Variants in SEL1L2 observed in about 807,000 individuals in gnomAD.
SEL1L2 encodes the protein SEL1L2 adaptor subunit of SYVN1 ubiquitin ligase, also known as protein sel-1 homolog 2.
A neutral mutation model predicts 98.8 loss-of-function variants in SEL1L2; 89 were observed. That is an observed-to-expected ratio of 0.90 (90% CI 0.76 to 1.07). The LOEUF is 1.07. Among genes scored for constraint, SEL1L2 ranks in the 50% least tolerant of loss-of-function variants. The pLI, the probability that SEL1L2 is intolerant of heterozygous loss-of-function variation, is 0.00. For synonymous variants in SEL1L2, 262 were observed against 278.5 expected (o/e 0.94, Z 0.59); for missense variants, 788 against 812.0 (o/e 0.97, Z 0.36).
intron 10 of SEL1L2, among the ~76,000 whole-genome samples, chr20:13,880,813 G>A (rs1390100542): frequency 2.0e-5 from 3 of 151,930 alleles, no homozygotes; most frequent in African/African-American, 2.4e-5. Context: ...ACAATTGGTG[G>A]TGTCTTAGTA....
intron 2 of SEL1L2, among the ~76,000 whole-genome samples, chr20:13,938,083 C>CTT (rs780844505): frequency 3.7e-4 from 51 of 137,232 alleles, no homozygotes; most frequent in Middle Eastern, 3.8e-3. Context: ...TTTTTCTTTT[C>CTT]TTTTTTTTTT....
At chr20:13,869,853 A>G (rs1444560212) in intron 13 of SEL1L2, among the ~76,000 whole-genome samples, 1 of 152,198 alleles carries the variant, frequency 6.6e-6, no homozygotes, top group Non-Finnish European at 1.5e-5. Flanking sequence ...TCAAAAGACT[A>G]TGAAGATAAA....
intron 1 of SEL1L2, among the ~76,000 whole-genome samples, chr20:13,982,060 A>G (rs2051854019): frequency 6.6e-6 from 1 of 151,966 alleles, no homozygotes; most frequent in African/African-American, 2.4e-5. Context: ...TGCTTTCTGG[A>G]CTCTGGTTAC....
chr20:13,904,269 C>G (rs1005798102), intron 5 of SEL1L2, among the ~76,000 whole-genome samples: 4 of 152,202 alleles, frequency 2.6e-5, no homozygotes. Flanking sequence ...TGGCTCACGC[C>G]TGTGATCCCA....
At chr20:13,898,802 G>A (rs1220307644) in intron 5 of SEL1L2, among the ~76,000 whole-genome samples, 1 of 152,174 alleles carries the variant, frequency 6.6e-6, no homozygotes, top group African/African-American at 2.4e-5. Flanking sequence ...GAGTACAATG[G>A]CCCGATCTCG....
intron 4 of SEL1L2, among the ~76,000 whole-genome samples, chr20:13,917,947 G>A (rs575133381): frequency 1.2e-4 from 18 of 151,650 alleles, no homozygotes; most frequent in East Asian, 9.7e-4. Flanking sequence ...TTACAGGTGC[G>A]CGCCATCATG....
chr20:13,905,756 A>G (rs75895063), intron 5 of SEL1L2, among the ~76,000 whole-genome samples: 8,916 of 152,250 alleles, frequency 0.059, 304 homozygotes, highest in African/African-American at 0.092. Flanking sequence ...GAAAAGAAAA[A>G]TGTTGTGAAT....
intron 18 of SEL1L2, among the ~76,000 whole-genome samples, chr20:13,857,916 T>A (rs1035227949): frequency 6.6e-6 from 1 of 152,202 alleles, no homozygotes. Flanking sequence ...AGGTGGATAA[T>A]GGGTGAGGGG....
intron 1 of SEL1L2, among the ~76,000 whole-genome samples, chr20:13,959,291 C>A (rs1056546497): frequency 8.5e-5 from 13 of 152,206 alleles, no homozygotes; most frequent in Admixed American, 5.9e-4. Flanking sequence ...GTGGTTGGAC[C>A]AGGAAGAAGC....
intron 1 of SEL1L2, among the ~76,000 whole-genome samples, chr20:13,979,842 A>C (rs1212542395): frequency 6.6e-6 from 1 of 152,200 alleles, no homozygotes. Context: ...TAAGCAACAA[A>C]ATGAAAACAG....
At chr20:13,980,502 C>G (rs889450045) in intron 1 of SEL1L2, among the ~76,000 whole-genome samples, 1 of 152,150 alleles carries the variant, frequency 6.6e-6, no homozygotes, top group Admixed American at 6.5e-5. Context: ...GACACCACAC[C>G]TGGCCAGAGA....
rs997405545 is a variant in SEL1L2, at chr20:13,958,446, T to C, written c.59-2315A>G. ...TTAATGGGCATTTCTCACCTCATGT[T>C]TTTTGCTTATTACTTGCTGTTTATT... On this transcript the variant is annotated intron_variant, in intron 1 of 19. Transcript: ENST00000284951. 2.2e-4 allele frequency among the ~76,000 whole-genome samples: 34 copies of C among 152,188 alleles called. 1 individual carries two copies. The highest frequency in any genetic ancestry group is 5.2e-4 in the Admixed American group (8 of 15,280).
intron 12 of SEL1L2, among the ~76,000 whole-genome samples, chr20:13,872,970 C>A (rs140971253): frequency 6.6e-5 from 10 of 152,046 alleles, no homozygotes; most frequent in African/African-American, 9.6e-5. Flanking sequence ...CCTGTTTCAT[C>A]AGCGTTTGCC....
rs369307420 is a variant in SEL1L2, at chr20:13,919,124, C to T, written c.284-1G>A. On this transcript the variant is annotated splice_acceptor_variant, in intron 3 of 19. Transcript: ENST00000284951. LOFTEE classifies it high-confidence loss of function. ...AAATTTTTCTCTGCTTGCTTTTGTA[C>T]TATACATGAACAAACAAAAAATAAA... 6 of 1,560,104 alleles carry T rather than the reference C, an allele frequency of 3.8e-6. No individual in the cohort carries two copies. Among genetic ancestry groups the T allele is most frequent in the Non-Finnish European group, 8.8e-7 (1 of 1,133,938 alleles).
chr20:13,985,027 A>T (rs2052092556), intron 1 of SEL1L2, among the ~76,000 whole-genome samples: 1 of 152,170 alleles, frequency 6.6e-6, no homozygotes, highest in Admixed American at 6.5e-5. Flanking sequence ...CTATAGTGCT[A>T]TAGAACCCTA....
chr20:13,993,109 G>A (rs1191745048), upstream of SEL1L2, among the ~76,000 whole-genome samples: 1 of 152,164 alleles, frequency 6.6e-6, no homozygotes, highest in East Asian at 1.9e-4. Flanking sequence ...ATGCAGTCTA[G>A]ACAATGGACA....
chr20:13,982,380 G>A (rs963776396), intron 1 of SEL1L2, among the ~76,000 whole-genome samples: 29 of 151,834 alleles, frequency 1.9e-4, no homozygotes, highest in African/African-American at 7.0e-4. Flanking sequence ...GCATGGTGGT[G>A]CATGCCTGAG....
At chr20:13,917,781 T>C (rs2148218083) in intron 4 of SEL1L2, among the ~76,000 whole-genome samples, 2 of 141,018 alleles carry the variant, frequency 1.4e-5, no homozygotes, top group South Asian at 4.5e-4. Context: ...TTTATTTCTT[T>C]CTTTCTTTTT....
At chr20:13,948,017 G>C (rs1434154660) in intron 2 of SEL1L2, among the ~76,000 whole-genome samples, 1 of 152,202 alleles carries the variant, frequency 6.6e-6, no homozygotes, top group Non-Finnish European at 1.5e-5. Context: ...CAGCCTGCCA[G>C]GCCAAGTGGC....
Sources: allele counts gnomAD v4.1 joint callset (sites outside exome capture counted in the v4.1 genomes callset), GRCh38; gene constraint gnomAD v4.1.1; transcripts MANE v1.5; gene names NCBI Gene and HGNC (gene_info 2026-07-23, HGNC 2026-07-21).